The following TENM4 variants were observed in gnomAD, a reference collection of about 807,000 sequenced individuals.
TENM4 encodes teneurin transmembrane protein 4, also known as teneurin-4.
Under a neutral mutation model 243.3 loss-of-function variants are expected in TENM4, and 82 were observed. The ratio of observed to expected loss-of-function variants is 0.34; its 90% CI spans 0.28 to 0.40. The LOEUF is 0.40. Among genes scored for constraint, TENM4 ranks in the 10% least tolerant of loss-of-function variants. The probability of loss-of-function intolerance (pLI) is 1.00; values close to 1 mark genes in which losing one functional copy is unlikely to be tolerated. For synonymous variants in TENM4, 1,412 were observed against 1,456.3 expected, an observed-to-expected ratio of 0.97 and a Z score of 0.69; for missense variants, 3,138 against 3,673.3, an observed-to-expected ratio of 0.85 and a Z score of 3.77.
chr11:78,899,949 C>T (rs1421838258), intron 7 of TENM4, among the ~76,000 whole-genome samples: 1 of 152,188 alleles, frequency 6.6e-6, no homozygotes, highest in East Asian at 1.9e-4. Context: ...TTTATAGCAA[C>T]ACTAAATGGA....
chr11:78,864,480 T>C (rs1173319793), intron 9 of TENM4, among the ~76,000 whole-genome samples: 2 of 135,010 alleles, frequency 1.5e-5, no homozygotes, highest in Non-Finnish European at 3.2e-5. Context: ...TTTTCCAAGG[T>C]AGCAACTGCT....
At chr11:79,071,683 C>T (rs969491155) in intron 4 of TENM4, among the ~76,000 whole-genome samples, 6 of 152,096 alleles carry the variant, frequency 3.9e-5, no homozygotes, top group Non-Finnish European at 7.3e-5. Flanking sequence ...TCAGAGGTAG[C>T]TCTTTGGCCC....
intron 1 of TENM4, among the ~76,000 whole-genome samples, chr11:79,389,313 G>A (rs1228851498): frequency 1.3e-5 from 2 of 152,096 alleles, no homozygotes; most frequent in South Asian, 2.1e-4. Flanking sequence ...GTGCCACCAC[G>A]CTTGACTAAT....
intron 1 of TENM4, among the ~76,000 whole-genome samples, chr11:79,423,504 G>A (rs188049145): frequency 1.4e-5 from 2 of 147,548 alleles, no homozygotes; most frequent in East Asian, 2.0e-4. Context: ...CTCCTGTCTC[G>A]TTCAAGCCAG....
At chr11:78,980,139 T>C (rs925079530) in intron 6 of TENM4, among the ~76,000 whole-genome samples, 2 of 152,236 alleles carry the variant, frequency 1.3e-5, no homozygotes, top group Non-Finnish European at 2.9e-5. Flanking sequence ...AGTCCTTTGC[T>C]GTCAGAAGAA....
intron 1 of TENM4, chr11:79,422,248 TACAC>T (rs36083983): frequency 0.014 from 2,066 of 142,676 alleles, 31 homozygotes; most frequent in African/African-American, 0.039. Flanking sequence ...ACATGGTTCT[TACAC>T]ACACACACAC....
rs763324594 is a variant in TENM4, at chr11:78,658,370, G to C, written c.7998C>G (p.Ile2666Met). The change falls in exon 34 of 34, where the codon ATC becomes ATG. Residue 2666 changes from isoleucine (I) to methionine (M), a missense_variant. Physicochemically the swap from Ile to Met is conservative, Grantham distance 10. Coordinates refer to ENST00000278550, the MANE Select transcript of TENM4 (RefSeq NM_001098816.3). The part of the protein sequence containing the change: ...LNGRTRRYTD[I>M]QLQYGALCLN... ...AGCACAGTGCCCCGTACTGGAGCTG[G>C]ATGTCTGTGTAGCGTCTAGTCCTGC... The C allele has an allele frequency of 6.2e-7, 1 of 1,614,042 alleles. No homozygotes were observed. The highest frequency in any genetic ancestry group is 1.1e-5 in the South Asian group (1 of 91,084).
At chr11:79,099,840 T>A (rs1425354135) in intron 4 of TENM4, among the ~76,000 whole-genome samples, 1 of 152,244 alleles carries the variant, frequency 6.6e-6, no homozygotes, top group East Asian at 1.9e-4. Flanking sequence ...CCCATCTATC[T>A]GCCTAGCAAA....
intron 2 of TENM4, among the ~76,000 whole-genome samples, chr11:79,246,000 TAA>T (rs967862839): frequency 4.9e-5 from 6 of 122,418 alleles, no homozygotes; most frequent in African/African-American, 1.9e-4. Context: ...ATCCTAAATC[TAA>T]AAGAGAGAGT....
intron 6 of TENM4, among the ~76,000 whole-genome samples, chr11:78,967,031 C>G (rs1857452269): frequency 6.6e-6 from 1 of 152,166 alleles, no homozygotes; most frequent in Non-Finnish European, 1.5e-5. Flanking sequence ...CTTTCCTCTT[C>G]CTTCCTCCTC....
At position 79,395,883 on chromosome 11, in the gene TENM4, G is replaced by T. The variant is rs550275605; in HGVS notation, c.-321+44626C>A. 3.2e-4 allele frequency among the ~76,000 whole-genome samples: 48 copies of T among 152,274 alleles called. 1 individual carries two copies. The South Asian group carries it at 6.2e-3, about 20-fold the overall frequency. The stretch of plus-strand genomic sequence containing the variant: ...ATACAGAGATAAGTAAGACATATTT[G>T]TCCCTGTTCTTGAGCAGCCAAAGAG... On this transcript the variant is annotated intron_variant, in intron 1 of 33. Transcript: ENST00000278550.
rs376925516 is a variant in TENM4 at position 78,732,388 on chromosome 11, G to A, written c.3066C>T (p.Val1022=). 7.2e-5 allele frequency: 116 copies of A among 1,613,874 alleles called. No homozygotes were observed. The highest frequency in any genetic ancestry group is 8.9e-5 in the Non-Finnish European group (105 of 1,179,894). The change falls in exon 21 of 34, where the codon GTC becomes GTT. Residue 1022 remains valine, a synonymous_variant. Coordinates refer to ENST00000278550, the MANE Select transcript of TENM4 (RefSeq NM_001098816.3). ...DLSNFARPNP[V]VSPSPLTSFA... ...AGGACGTCAGTGGGGATGGAGAGAC[G>A]ACTGGGTTGGGGCGGGCAAAATTGC...
intron 6 of TENM4, among the ~76,000 whole-genome samples, chr11:78,994,227 C>A (rs1021898314): frequency 1.3e-5 from 2 of 152,192 alleles, no homozygotes; most frequent in Non-Finnish European, 2.9e-5. Context: ...TGTCAGCATG[C>A]AGCTGCTTGG....
intron 5 of TENM4, among the ~76,000 whole-genome samples, chr11:79,066,259 G>A (rs1427235364): frequency 2.0e-5 from 3 of 152,330 alleles, no homozygotes; most frequent in Non-Finnish European, 4.4e-5. Context: ...AGAGGTTTGC[G>A]ATGAGAGTGA....
intron 1 of TENM4, among the ~76,000 whole-genome samples, chr11:79,410,872 C>T (rs527432904): frequency 2.0e-5 from 3 of 152,304 alleles, no homozygotes; most frequent in African/African-American, 7.2e-5. Context: ...CTGTACTCTA[C>T]AGGGAGGGTT....
intron 4 of TENM4, among the ~76,000 whole-genome samples, chr11:79,109,815 C>A (rs1054628654): frequency 6.6e-5 from 10 of 152,230 alleles, no homozygotes; most frequent in Non-Finnish European, 1.3e-4. Context: ...CTGTCACTCA[C>A]TAGCCATGTG....
intron 7 of TENM4, among the ~76,000 whole-genome samples, chr11:78,895,995 G>A (rs990842317): frequency 5.3e-5 from 8 of 152,190 alleles, no homozygotes; most frequent in African/African-American, 1.4e-4. Context: ...TGAACTGCCT[G>A]TAGGAGGGGC....
At chr11:78,928,675 C>T (rs1182827278) in intron 6 of TENM4, among the ~76,000 whole-genome samples, 1 of 152,176 alleles carries the variant, frequency 6.6e-6, no homozygotes. Flanking sequence ...TCTCGTTTTT[C>T]TCACAATTAA....
chr11:79,167,266 A>G (rs1862935228), intron 3 of TENM4, among the ~76,000 whole-genome samples: 1 of 152,210 alleles, frequency 6.6e-6, no homozygotes, highest in Admixed American at 6.5e-5. Flanking sequence ...GAGAAGGATA[A>G]AGAACAATGG....
Sources: gnomAD v4.1 joint callset for allele counts (sites outside exome capture counted in the v4.1 genomes callset) on GRCh38, gnomAD v4.1.1 for gene constraint, MANE v1.5 for transcripts, NCBI Gene and HGNC (gene_info 2026-07-23, HGNC 2026-07-21) for gene names.